INTS3: variants seen among roughly 807,000 people sequenced by gnomAD.
INTS3 encodes SOSS complex subunit A.
Under a neutral mutation model 146.3 loss-of-function variants are expected in INTS3, and 34 were observed. That is an observed-to-expected ratio of 0.23 (90% confidence interval 0.18 to 0.31). INTS3 has a LOEUF of 0.31. Among genes scored for constraint, INTS3 ranks in the 10% least tolerant of loss-of-function variants. The pLI is 1.00. For synonymous variants in INTS3, 475 were observed against 494.9 expected, an observed-to-expected ratio of 0.96 and a Z score of 0.53; for missense variants, 757 against 1,304.2, an observed-to-expected ratio of 0.58 and a Z score of 6.46.
intron 1 of INTS3, among the ~76,000 whole-genome samples, chr1:153,736,271 T>A (rs926432381): frequency 1.3e-5 from 2 of 152,164 alleles, no homozygotes; most frequent in Non-Finnish European, 2.9e-5. Flanking sequence ...AGACCTGATA[T>A]TAAGTTGTAA....
intron 2 of INTS3, 109 bp downstream of exon 2, chr1:153,740,843 C>G: frequency 1.2e-6 from 1 of 848,860 alleles, no homozygotes; most frequent in Non-Finnish European, 2.0e-6. Context: ...TGAAATTCAT[C>G]AAGTCTTGGC....
At chr1:153,729,692 C>A (rs1670992297) in intron 1 of INTS3, among the ~76,000 whole-genome samples, 1 of 151,986 alleles carries the variant, frequency 6.6e-6, no homozygotes, top group Non-Finnish European at 1.5e-5. Flanking sequence ...ATGGTGAAAC[C>A]CCGTCTCTAC....
intron 13 of INTS3, chr1:153,761,182 G>A: frequency 1.2e-6 from 1 of 802,602 alleles, no homozygotes; most frequent in Non-Finnish European, 1.8e-6. Context: ...GACTGATTGT[G>A]CTTAGACCTA....
rs748484881 is a variant in INTS3 at position 153,772,955 on chromosome 1, A to C, written c.2925A>C (p.Glu975Asp). The part of the protein sequence containing the change: ...KFSDLFSLAE[E>D]YEDSSTKPPK... The stretch of plus-strand genomic sequence containing the variant: ...GTGATCTCTTCTCCCTGGCGGAGGA[A>C]TATGAGGACTCTTCCACCAAGCCAC... Residue 975 changes from glutamate to aspartate, a missense_variant, in exon 29 of 30, where the codon GAA (glutamate) becomes GAC (aspartate). Physicochemically the swap from Glu to Asp is conservative, Grantham distance 45 (BLOSUM62 2). Around this residue, in one of 8 missense-constraint regions of INTS3, gnomAD observed 125 missense variants for 165.6 expected, o/e 0.75. Transcript: ENST00000318967. The surrounding 1 kb of genome is among the most constrained non-coding windows in gnomAD (Gnocchi z 4.6). The C allele has an allele frequency of 6.2e-7, 1 of 1,614,176 alleles. No individual in the cohort carries two copies. Among genetic ancestry groups the C allele is most frequent in the East Asian group, 2.2e-5 (1 of 44,880 alleles).
At chr1:153,755,556 A>G (rs1355292743) in intron 9 of INTS3, among the ~76,000 whole-genome samples, 1 of 152,004 alleles carries the variant, frequency 6.6e-6, no homozygotes, top group African/African-American at 2.4e-5. Context: ...CACTGCACCC[A>G]GCCAGAATCT....
intron 16 of INTS3, 27 bp from the exon 17 acceptor site, chr1:153,763,805 G>A (rs1570876520): frequency 5.0e-6 from 8 of 1,607,616 alleles, no homozygotes; most frequent in East Asian, 2.2e-5. Context: ...TATGTCCCTG[G>A]GATTTCCTCT....
chr1:153,749,206 A>G (rs1393583937), intron 6 of INTS3, among the ~76,000 whole-genome samples: 1 of 152,128 alleles, frequency 6.6e-6, no homozygotes, highest in Non-Finnish European at 1.5e-5. Flanking sequence ...GAGATTAGTG[A>G]ATCCTGCTGG....
At chr1:153,749,252 AG>A (rs1402497203) in intron 6 of INTS3, among the ~76,000 whole-genome samples, 1 of 152,112 alleles carries the variant, frequency 6.6e-6, no homozygotes, top group Non-Finnish European at 1.5e-5. Context: ...CCAGTGGTAG[AG>A]GGTGCATCAG....
At chr1:153,731,029 A>G (rs1671040098) in intron 1 of INTS3, among the ~76,000 whole-genome samples, 2 of 151,962 alleles carry the variant, frequency 1.3e-5, no homozygotes, top group Admixed American at 1.3e-4. Flanking sequence ...TCACAGACCT[A>G]CCTATTGCCC....
At chr1:153,760,728 G>T (rs1672352640) in intron 12 of INTS3, 99 bp from the exon 13 acceptor site, 1 of 936,962 alleles carries the variant, frequency 1.1e-6, no homozygotes, top group Non-Finnish European at 1.8e-6. Flanking sequence ...ACTCCCCAGT[G>T]TCCCCTGATC....
At chr1:153,762,511 G>C (rs1672421018) in intron 14 of INTS3, among the ~76,000 whole-genome samples, 1 of 152,234 alleles carries the variant, frequency 6.6e-6, no homozygotes, top group Non-Finnish European at 1.5e-5. Context: ...GTCATGTCCA[G>C]TGTTGCTCTT....
rs1672358797 is a variant in INTS3, at chr1:153,760,868, G to A, written c.1359G>A (p.Arg453=). 6.2e-7 allele frequency: 1 copy of A among 1,614,044 alleles called. No individual in the cohort carries two copies. Among genetic ancestry groups the A allele is most frequent in the Non-Finnish European group, 8.5e-7 (1 of 1,180,024 alleles). ...NFYPPLEGHV[R]QGVFSSLNHI... ...ATCCACCATTGGAGGGCCACGTGCGGCAGGGTGTCTTTTCCTCCCTCAACC... is the reference window on the plus strand; with the variant it reads ...ATCCACCATTGGAGGGCCACGTGCGACAGGGTGTCTTTTCCTCCCTCAACC... The change falls in exon 13 of 30, where the codon CGG becomes CGA. Residue 453 remains arginine, a synonymous_variant. Transcript: ENST00000318967.
intron 20 of INTS3, 147 bp downstream of exon 20, chr1:153,765,210 A>G (rs976991964): frequency 1.0e-4 from 82 of 815,034 alleles, no homozygotes; most frequent in Admixed American, 2.1e-4. Context: ...TTTAAGAGAC[A>G]GCATCTCACT....
chr1:153,733,047 A>G (rs1266360612), intron 1 of INTS3, among the ~76,000 whole-genome samples: 1 of 148,970 alleles, frequency 6.7e-6, no homozygotes, highest in East Asian at 2.0e-4. Context: ...CTCGTACACC[A>G]TGTTAGGCTG....
chr1:153,762,946 C>G lies in INTS3; in HGVS notation c.1636+99C>G. On this transcript the variant is annotated intron_variant, in intron 15 of 29. Transcript: ENST00000318967. Reference sequence around the variant, plus strand: ...TGCACTCTTCCTGTCACCCTTATTCCTGTGAGTTAAAGTTTTGTTCACAGG... The same window carrying G: ...TGCACTCTTCCTGTCACCCTTATTCGTGTGAGTTAAAGTTTTGTTCACAGG... The G allele has an allele frequency of 2.7e-6, 4 of 1,479,590 alleles. No homozygotes were observed. In the East Asian group the frequency reaches 6.8e-5, roughly 25 times the overall value. The allele number at this position is 1,479,590 out of a possible 1,614,324, so 91.7% of individuals were successfully genotyped here.
At chr1:153,760,552 T>C in intron 12 of INTS3, 162 bp downstream of exon 12, 2 of 646,426 alleles carry the variant, frequency 3.1e-6, no homozygotes, top group Admixed American at 2.8e-5. Flanking sequence ...CCTTCCATAT[T>C]CCACTGTCTG....
intron 6 of INTS3, among the ~76,000 whole-genome samples, chr1:153,748,961 C>G (rs1470551221): frequency 6.6e-6 from 1 of 152,064 alleles, no homozygotes; most frequent in Non-Finnish European, 1.5e-5. Flanking sequence ...AGGTCTTTGC[C>G]AAAATATCGC....
At chr1:153,731,818 C>T (rs1471488743) in intron 1 of INTS3, among the ~76,000 whole-genome samples, 2 of 151,134 alleles carry the variant, frequency 1.3e-5, no homozygotes, top group African/African-American at 4.9e-5. Context: ...ATCTCCTGAC[C>T]TCATGATCCG....
rs776528929 is a variant in INTS3 at position 153,761,562 on chromosome 1, C to T, written c.1410-8C>T. The T allele has an allele frequency of 1.9e-6, 3 of 1,592,116 alleles. No individual in the cohort carries two copies. ...CTGATATTGACCTTCATCATGTTCC[C>T]CATTTAGACACCTAGCTCCCCTGTT... is the stretch of plus-strand genomic sequence containing the variant. On this transcript the variant is annotated splice_polypyrimidine_tract_variant and splice_region_variant and intron_variant, in intron 13 of 29. Coordinates refer to ENST00000318967, the MANE Select transcript of INTS3 (RefSeq NM_023015.5).
Sources: allele counts gnomAD v4.1 joint callset (sites outside exome capture counted in the v4.1 genomes callset), GRCh38; gene constraint gnomAD v4.1.1; regional missense constraint gnomAD v4.1.1; non-coding constraint Gnocchi (gnomAD v3.1); transcripts MANE v1.5; gene names NCBI Gene and HGNC (gene_info 2026-07-23, HGNC 2026-07-21).